Variants in CDH22 observed in about 807,000 individuals in gnomAD.
CDH22 encodes cadherin 22.
In CDH22, 30 loss-of-function variants were observed where a neutral mutation model predicts 58.4. The ratio of observed to expected loss-of-function variants is 0.51; its 90% confidence interval spans 0.38 to 0.70. The LOEUF (loss-of-function observed/expected upper bound fraction) is 0.70, where lower values mean the gene tolerates loss of function less well. CDH22 is among the 30% of genes least tolerant of loss of function. CDH22 has a pLI of 0.00. For synonymous variants in CDH22, 513 were observed against 558.2 expected (o/e 0.92, Z 1.14); for missense variants, 1,014 against 1,233.9 (o/e 0.82, Z 2.67).
At chr20:46,205,515 A>C (rs2085995653) in intron 7 of CDH22, among the ~76,000 whole-genome samples, 1 of 151,988 alleles carries the variant, frequency 6.6e-6, no homozygotes, top group Non-Finnish European at 1.5e-5. Flanking sequence ...GCTGCACCAC[A>C]CTGTGGAGTG....
chr20:46,295,544 G>C (rs1428764387), intron 1 of CDH22, among the ~76,000 whole-genome samples: 3 of 152,196 alleles, frequency 2.0e-5, no homozygotes, highest in Non-Finnish European at 1.5e-5. Flanking sequence ...CCACTTTACA[G>C]ATGGGGAAAC....
chr20:46,193,994 AAAAC>A (rs970924367), intron 8 of CDH22, among the ~76,000 whole-genome samples: 16 of 152,230 alleles, frequency 1.1e-4, no homozygotes, highest in South Asian at 4.1e-4. Flanking sequence ...CTCTTTACCA[AAAAC>A]AAACAAACAA....
At chr20:46,262,941 C>T (rs1031307820) in intron 1 of CDH22, among the ~76,000 whole-genome samples, 3 of 152,200 alleles carry the variant, frequency 2.0e-5, no homozygotes, top group Non-Finnish European at 2.9e-5. Context: ...TGCTGTCCCA[C>T]GTCCAGCTCT....
chr20:46,214,495 C>T (rs2086068464), intron 5 of CDH22, among the ~76,000 whole-genome samples: 1 of 152,188 alleles, frequency 6.6e-6, no homozygotes, highest in African/African-American at 2.4e-5. Context: ...CCCCATTGCC[C>T]TTGGGATGGA....
chr20:46,254,828 A>G (rs1270375041), intron 1 of CDH22, among the ~76,000 whole-genome samples: 1 of 152,128 alleles, frequency 6.6e-6, no homozygotes, highest in East Asian at 1.9e-4. Context: ...TGCACAAAAT[A>G]GTTCCACACA....
chr20:46,196,105 T>C (rs1600690947), intron 8 of CDH22, among the ~76,000 whole-genome samples: 1 of 152,264 alleles, frequency 6.6e-6, no homozygotes, highest in East Asian at 1.9e-4. Flanking sequence ...GGCTGGCTCC[T>C]GGGAAGCCGG....
intron 1 of CDH22, among the ~76,000 whole-genome samples, chr20:46,260,706 A>T (rs1006999112): frequency 1.3e-5 from 2 of 152,310 alleles, no homozygotes; most frequent in Middle Eastern, 3.4e-3. Flanking sequence ...GATGGCCAGC[A>T]TGTCCTTTCT....
chr20:46,247,109 G>A (rs2086335660), intron 2 of CDH22, among the ~76,000 whole-genome samples: 1 of 152,124 alleles, frequency 6.6e-6, no homozygotes, highest in Admixed American at 6.5e-5. Context: ...TTTGGGATTT[G>A]GGGCGGGAGT....
In CDH22 at chr20:46,251,922, C is replaced by G. The variant is rs1449835871; in HGVS notation, c.-399-229G>C. ...GCCTCTCCTTTCACCTGGCATCATA[C>G]GCCCTGTACTCCCAATCTCCTACGC... On this transcript the variant is annotated intron_variant, in intron 1 of 11. Coordinates refer to ENST00000537909, the MANE Select transcript of CDH22 (RefSeq NM_021248.3). The surrounding 1 kb of genome is among the most constrained non-coding windows in gnomAD (Gnocchi z 6.7). 6.6e-6 allele frequency among the ~76,000 whole-genome samples: 1 copy of G among 151,994 alleles called. No homozygotes were observed. Among genetic ancestry groups the G allele is most frequent in the Admixed American group, 6.5e-5 (1 of 15,276 alleles).
intron 3 of CDH22, among the ~76,000 whole-genome samples, chr20:46,228,317 T>C (rs2145712480): frequency 6.6e-6 from 1 of 152,204 alleles, no homozygotes; most frequent in South Asian, 2.1e-4. Flanking sequence ...CCCCTCCCCC[T>C]GGGTGCCCAG....
chr20:46,286,027 T>A (rs2086575373), intron 1 of CDH22, among the ~76,000 whole-genome samples: 1 of 152,232 alleles, frequency 6.6e-6, no homozygotes, highest in Admixed American at 6.5e-5. Flanking sequence ...AGATTCTCGA[T>A]AAACATTTAA....
At chr20:46,185,189 G>A (rs1036106474) in intron 10 of CDH22, among the ~76,000 whole-genome samples, 4 of 151,916 alleles carry the variant, frequency 2.6e-5, no homozygotes, top group Non-Finnish European at 5.9e-5. Context: ...AAAAAAACCA[G>A]AGAGGAACAG....
chr20:46,180,058 C>T (rs984838947), intron 10 of CDH22, among the ~76,000 whole-genome samples: 4 of 152,246 alleles, frequency 2.6e-5, no homozygotes, highest in Middle Eastern at 3.4e-3. Context: ...GCTCTGACTA[C>T]GCAGGTGCCA....
intron 1 of CDH22, among the ~76,000 whole-genome samples, chr20:46,268,990 T>C (rs1317654718): frequency 1.3e-5 from 2 of 152,204 alleles, no homozygotes; most frequent in African/African-American, 4.8e-5. Flanking sequence ...TACATTCCCC[T>C]AGTGATGGGG....
intron 1 of CDH22, among the ~76,000 whole-genome samples, chr20:46,280,721 C>T (rs1436099123): frequency 6.6e-6 from 1 of 152,186 alleles, no homozygotes; most frequent in Non-Finnish European, 1.5e-5. Flanking sequence ...CATACAGTGA[C>T]CTTGAGCAAT....
chr20:46,285,641 T>A (rs2086573234), intron 1 of CDH22, among the ~76,000 whole-genome samples: 1 of 152,230 alleles, frequency 6.6e-6, no homozygotes, highest in Admixed American at 6.5e-5. Context: ...TTAAGCAACT[T>A]ACCTCAGAGT....
At chr20:46,193,609 G>A (rs1288644893) in intron 8 of CDH22, among the ~76,000 whole-genome samples, 3 of 152,126 alleles carry the variant, frequency 2.0e-5, no homozygotes, top group Non-Finnish European at 4.4e-5. Flanking sequence ...GGGACACCAA[G>A]GCCCTTTCTG....
chr20:46,218,750 G>A (rs1441827789), intron 4 of CDH22, among the ~76,000 whole-genome samples: 2 of 152,142 alleles, frequency 1.3e-5, no homozygotes, highest in Non-Finnish European at 2.9e-5. Context: ...AGGGCAGCAG[G>A]CGTGGGGGTG....
chr20:46,199,448 G>A lies in CDH22; in HGVS notation c.1398C>T (p.Asn466=), dbSNP rs749264969. 5.0e-6 allele frequency: 8 copies of A among 1,612,762 alleles called. No homozygotes were observed. The highest frequency in any genetic ancestry group is 1.1e-5 in the South Asian group (1 of 91,046). Residue 466 remains asparagine (N), a synonymous_variant, in exon 8 of 12, where the codon AAC becomes AAT. Coordinates refer to ENST00000537909, the MANE Select transcript of CDH22 (RefSeq NM_021248.3). ...GLDRETAGWH[N]ITVLAMEADN... ...CCGCCTCCATGGCCAGCACTGTGAT[G>A]TTGTGCCAGCCGGCCGTCTCGCGGT...
Sources: gnomAD v4.1 joint callset for allele counts (sites outside exome capture counted in the v4.1 genomes callset) on GRCh38, gnomAD v4.1.1 for gene constraint, Gnocchi (gnomAD v3.1) non-coding constraint, MANE v1.5 for transcripts, NCBI Gene and HGNC (gene_info 2026-07-23, HGNC 2026-07-21) for gene names.